The following ADAMTSL3 variants were observed in gnomAD, a reference collection of about 807,000 sequenced individuals.
ADAMTSL3 encodes the protein ADAMTS like 3.
A neutral mutation model predicts 201.7 loss-of-function variants in ADAMTSL3; 128 were observed. The ratio of observed to expected loss-of-function variants is 0.63; its 90% CI spans 0.55 to 0.73. ADAMTSL3 has a LOEUF of 0.73. Among genes scored for constraint, ADAMTSL3 ranks in the 30% least tolerant of loss-of-function variants. The pLI is 0.00. For missense variants in ADAMTSL3, 1,990 were observed against 2,119.6 expected, an observed-to-expected ratio of 0.94 and a Z score of 1.20; for synonymous variants, 738 against 748.4, an observed-to-expected ratio of 0.99 and a Z score of 0.23.
chr15:83,761,095 C>T (rs538422676), intron 3 of ADAMTSL3, among the ~76,000 whole-genome samples: 8 of 152,002 alleles, frequency 5.3e-5, no homozygotes, highest in Non-Finnish European at 7.4e-5. Context: ...ATATCTTTTC[C>T]CATATACATT....
chr15:83,704,239 C>T (rs1169898240), intron 2 of ADAMTSL3, 150 bp from the exon 3 acceptor site: 3 of 1,200,304 alleles, frequency 2.5e-6, no homozygotes, highest in African/African-American at 1.5e-5. Flanking sequence ...GTGTGCCTCA[C>T]CCTGGTCTTT....
At chr15:83,879,159 T>C (rs1052276886) in intron 9 of ADAMTSL3, among the ~76,000 whole-genome samples, 1 of 152,182 alleles carries the variant, frequency 6.6e-6, no homozygotes, top group African/African-American at 2.4e-5. Flanking sequence ...CCTTGCTCAG[T>C]CACATCAGAG....
chr15:83,967,385 A>G (rs1345455424), intron 19 of ADAMTSL3, among the ~76,000 whole-genome samples: 3 of 152,216 alleles, frequency 2.0e-5, no homozygotes, highest in Non-Finnish European at 2.9e-5. Context: ...TACAACAATA[A>G]TAGACAAACA....
chr15:83,954,295 G>T (rs2142072217), intron 19 of ADAMTSL3, among the ~76,000 whole-genome samples: 1 of 152,020 alleles, frequency 6.6e-6, no homozygotes, highest in African/African-American at 2.4e-5. Flanking sequence ...TCTTTCTTCT[G>T]GTTGATCAGT....
At chr15:83,994,518 A>G (rs1220124338) in intron 23 of ADAMTSL3, among the ~76,000 whole-genome samples, 2 of 151,040 alleles carry the variant, frequency 1.3e-5, no homozygotes, top group Admixed American at 6.6e-5. Context: ...CTTTAAACAG[A>G]TCATCACAGG....
chr15:83,707,984 T>C (rs899841493), intron 3 of ADAMTSL3, among the ~76,000 whole-genome samples: 6 of 152,226 alleles, frequency 3.9e-5, no homozygotes, highest in African/African-American at 1.4e-4. Flanking sequence ...TTTTCCAGTG[T>C]AGCCTTTGTT....
At chr15:83,713,054 G>A (rs1395824878) in intron 3 of ADAMTSL3, among the ~76,000 whole-genome samples, 1 of 151,946 alleles carries the variant, frequency 6.6e-6, no homozygotes, top group Non-Finnish European at 1.5e-5. Context: ...GCATCTCTAG[G>A]TTTCCTACCC....
chr15:83,900,289 C>T (rs1407292093), intron 15 of ADAMTSL3, among the ~76,000 whole-genome samples: 1 of 152,198 alleles, frequency 6.6e-6, no homozygotes, highest in Non-Finnish European at 1.5e-5. Context: ...CTCCAGGGTT[C>T]ATTCCAACTC....
intron 4 of ADAMTSL3, among the ~76,000 whole-genome samples, chr15:83,782,757 A>T (rs1288393528): frequency 1.3e-5 from 2 of 152,044 alleles, no homozygotes; most frequent in East Asian, 3.9e-4. Context: ...AGGATCAGGA[A>T]AAATAACTAA....
At chr15:83,981,617 G>T (rs565443385) in intron 20 of ADAMTSL3, among the ~76,000 whole-genome samples, 1 of 152,226 alleles carries the variant, frequency 6.6e-6, no homozygotes, top group African/African-American at 2.4e-5. Flanking sequence ...AGGTTTATCT[G>T]ACTTCAAACT....
intron 3 of ADAMTSL3, among the ~76,000 whole-genome samples, chr15:83,756,599 G>GCCC (rs35325384): frequency 2.6e-4 from 37 of 142,752 alleles, no homozygotes; most frequent in Non-Finnish European, 4.4e-4. Context: ...TTTCACCCCT[G>GCCC]CCCCCCCCCC....
chr15:83,815,397 G>A (rs1039669915), intron 5 of ADAMTSL3, among the ~76,000 whole-genome samples: 2 of 152,186 alleles, frequency 1.3e-5, no homozygotes, highest in African/African-American at 4.8e-5. Flanking sequence ...AATGACAGTG[G>A]TGGATTATAT....
At position 83,938,115 on chromosome 15, in the gene ADAMTSL3, A is replaced by G. The variant is rs556398114; in HGVS notation, c.2118-4481A>G. 1.4e-4 allele frequency among the ~76,000 whole-genome samples: 21 copies of G among 148,018 alleles called. 1 individual carries two copies. The highest frequency in any genetic ancestry group is 5.0e-4 in the African/African-American group (19 of 37,726). On this transcript the variant is annotated intron_variant, in intron 17 of 29. Coordinates refer to ENST00000286744, the MANE Select transcript of ADAMTSL3 (RefSeq NM_207517.3). ...ATAGTTTCTGATTTATCAATTTGAA[A>G]AAAGAAATATTGTCCAACAAAACCT...
chr15:83,734,572 T>G (rs2062338727), intron 3 of ADAMTSL3, among the ~76,000 whole-genome samples: 1 of 152,186 alleles, frequency 6.6e-6, no homozygotes, highest in Admixed American at 6.5e-5. Flanking sequence ...CTTGTGTGCC[T>G]GCTTTGTGAT....
At chr15:83,818,789 T>C (rs975997019) in intron 5 of ADAMTSL3, among the ~76,000 whole-genome samples, 1 of 152,190 alleles carries the variant, frequency 6.6e-6, no homozygotes, top group Admixed American at 6.5e-5. Flanking sequence ...GAGTCATCAA[T>C]ATTTGTACAA....
chr15:83,701,145 C>T (rs1027141071), intron 2 of ADAMTSL3, among the ~76,000 whole-genome samples: 5 of 152,134 alleles, frequency 3.3e-5, no homozygotes, highest in African/African-American at 1.2e-4. Flanking sequence ...ATTTCTGACT[C>T]ATTTCTTCCC....
At chr15:83,931,628 A>C (rs1040438569) in intron 17 of ADAMTSL3, among the ~76,000 whole-genome samples, 2 of 152,222 alleles carry the variant, frequency 1.3e-5, no homozygotes, top group African/African-American at 4.8e-5. Context: ...CTTCCAATTA[A>C]GATGGTGTTG....
intron 3 of ADAMTSL3, chr15:83,740,321 C>A (rs536836324): frequency 6.6e-6 from 1 of 152,334 alleles, no homozygotes; most frequent in East Asian, 1.9e-4. Context: ...TTTTCTCCAA[C>A]CTTAGTGCAA....
At chr15:83,696,901 G>A (rs558520304) in intron 2 of ADAMTSL3, among the ~76,000 whole-genome samples, 6 of 152,264 alleles carry the variant, frequency 3.9e-5, no homozygotes, top group South Asian at 2.1e-4. Flanking sequence ...GCAGGAAAGC[G>A]TGCAGTTGGG....
Sources: allele counts gnomAD v4.1 joint callset (sites outside exome capture counted in the v4.1 genomes callset), GRCh38; gene constraint gnomAD v4.1.1; transcripts MANE v1.5; gene names NCBI Gene and HGNC (gene_info 2026-07-23, HGNC 2026-07-21).